The following GALNTL6 variants were observed in gnomAD, a reference collection of about 807,000 sequenced individuals.
GALNTL6 encodes the protein polypeptide N-acetylgalactosaminyltransferase-like 6.
GALNTL6 carries 46 observed loss-of-function variants against 73.7 expected under a neutral mutation model. The observed-to-expected ratio is 0.62, with a 90% CI of 0.49 to 0.80. The LOEUF (loss-of-function observed/expected upper bound fraction) is 0.80, where lower values mean the gene tolerates loss of function less well. Ranked by LOEUF, GALNTL6 falls within the 30% of genes least tolerant of loss-of-function variation. GALNTL6 has a pLI of 0.00. For missense variants in GALNTL6, 604 were observed against 755.0 expected (o/e 0.80, Z 2.34); for synonymous variants, 259 against 263.7 (o/e 0.98, Z 0.17).
Position 172,970,404 on chromosome 4 carries a change from C to G in GALNTL6, c.1371+18146C>G, listed in dbSNP as rs571862485. 7.3e-4 allele frequency among the ~76,000 whole-genome samples: 111 copies of G among 152,250 alleles called. 1 individual carries two copies. Among genetic ancestry groups the G allele is most frequent in the Admixed American group, 4.7e-3 (72 of 15,290 alleles). Reference sequence around the variant, plus strand: ...TCAGTCCTTATCTCACCACATAAGACAGACAATCCCAGAGTGGCCATTTAT... The same window carrying G: ...TCAGTCCTTATCTCACCACATAAGAGAGACAATCCCAGAGTGGCCATTTAT... On this transcript the variant is annotated intron_variant, in intron 10 of 12. Coordinates refer to ENST00000506823, the MANE Select transcript of GALNTL6 (RefSeq NM_001034845.3).
rs143108193 is a variant in GALNTL6 at position 171,935,007 on chromosome 4, T to A, written c.138+120289T>A. ...TCCTGACCCTTGAAGCATTGTCTAG[T>A]CTCCCATTCCCATGAGAAAATGCTG... is the stretch of plus-strand genomic sequence containing the variant. On this transcript the variant is annotated intron_variant, in intron 2 of 12. Coordinates refer to ENST00000506823, the MANE Select transcript of GALNTL6 (RefSeq NM_001034845.3). Among the ~76,000 whole-genome samples the A allele has an allele frequency of 4.5e-3, 679 of 152,194 alleles. 4 individuals are homozygous for A. Among genetic ancestry groups the A allele is most frequent in the African/African-American group, 0.016 (660 of 41,522 alleles).
At chr4:172,175,107 C>T (rs138521617) in intron 2 of GALNTL6, among the ~76,000 whole-genome samples, 8,705 of 149,230 alleles carry the variant, frequency 0.058, 289 homozygotes, top group South Asian at 0.11. Context: ...GACGGAGTCT[C>T]ACTCTGTCAC....
chr4:172,376,181 G>A (rs953688677), intron 5 of GALNTL6, among the ~76,000 whole-genome samples: 1 of 152,140 alleles, frequency 6.6e-6, no homozygotes, highest in African/African-American at 2.4e-5. Context: ...GTTTATACTA[G>A]AAATCATTCT....
chr4:172,436,617 G>A (rs912978866), intron 5 of GALNTL6, among the ~76,000 whole-genome samples: 1 of 152,128 alleles, frequency 6.6e-6, no homozygotes. Context: ...CCATATTCAG[G>A]TGATATTCTT....
rs188372523 is a variant in GALNTL6, at chr4:172,145,288, C to T, written c.139-84368C>T. 3.9e-3 allele frequency among the ~76,000 whole-genome samples: 599 copies of T among 152,138 alleles called. 3 individuals carry two copies. The highest frequency in any genetic ancestry group is 0.013 in the African/African-American group (554 of 41,526). ...CCAGGTAGCTGGGACTACAGGCGCC[C>T]GCCACTACGCCCAGCTAATTTTTTT... On this transcript the variant is annotated intron_variant, in intron 2 of 12. Transcript: ENST00000506823.
At chr4:171,951,201 AT>A (rs1356104299) in intron 2 of GALNTL6, among the ~76,000 whole-genome samples, 19 of 152,136 alleles carry the variant, frequency 1.2e-4, no homozygotes, top group African/African-American at 4.3e-4. Context: ...TGCTAAAAAA[AT>A]AACAGAAGAA....
intron 2 of GALNTL6, among the ~76,000 whole-genome samples, chr4:172,090,137 T>G (rs1196006116): frequency 6.6e-6 from 1 of 152,214 alleles, no homozygotes; most frequent in Non-Finnish European, 1.5e-5. Flanking sequence ...TCTTTGCTAT[T>G]GTGAACGGTG....
chr4:172,825,126 CTTT>C (rs1560977598), intron 7 of GALNTL6, among the ~76,000 whole-genome samples: 12 of 91,040 alleles, frequency 1.3e-4, no homozygotes, highest in Non-Finnish European at 2.1e-4. Flanking sequence ...TTCTTTCTTT[CTTT>C]CTTCCTTTCT....
chr4:172,088,726 C>T (rs72988343), intron 2 of GALNTL6, among the ~76,000 whole-genome samples: 5,048 of 152,132 alleles, frequency 0.033, 269 homozygotes, highest in African/African-American at 0.11. Context: ...CTCTGTTTCT[C>T]TTTAGCATAT....
intron 5 of GALNTL6, among the ~76,000 whole-genome samples, chr4:172,469,263 A>G (rs541610237): frequency 1.3e-5 from 2 of 152,292 alleles, no homozygotes; most frequent in East Asian, 3.9e-4. Context: ...TATCTTGGAA[A>G]GTCAGGCAGA....
intron 5 of GALNTL6, among the ~76,000 whole-genome samples, chr4:172,634,884 CA>C (rs1191826996): frequency 6.6e-6 from 1 of 152,000 alleles, no homozygotes; most frequent in Non-Finnish European, 1.5e-5. Flanking sequence ...GAGATATATA[CA>C]AAAGGCACTA....
At chr4:172,933,168 A>C (rs1048241705) in intron 9 of GALNTL6, among the ~76,000 whole-genome samples, 1 of 152,134 alleles carries the variant, frequency 6.6e-6, no homozygotes, top group Admixed American at 6.5e-5. Flanking sequence ...GATATAATAA[A>C]TCATAGCAGT....
intron 2 of GALNTL6, among the ~76,000 whole-genome samples, chr4:171,940,763 A>G (rs939161423): frequency 2.7e-4 from 41 of 151,860 alleles, no homozygotes; most frequent in Non-Finnish European, 1.3e-4. Flanking sequence ...GCTTGCAGTG[A>G]GCCGGGATTG....
At position 171,960,153 on chromosome 4, in the gene GALNTL6, T is replaced by G. The variant is rs534126223; in HGVS notation, c.138+145435T>G. On this transcript the variant is annotated intron_variant, in intron 2 of 12. Coordinates refer to ENST00000506823, the MANE Select transcript of GALNTL6 (RefSeq NM_001034845.3). ...TAGCTTTCTAATCTATAGCTTCTGT[T>G]TATTGAATTTGGCTACTCTTTACAG... Among the ~76,000 whole-genome samples, 8 of 152,342 alleles carry G rather than the reference T, an allele frequency of 5.3e-5. No homozygotes were observed. In the East Asian group the frequency reaches 1.5e-3, roughly 29 times the overall value.
chr4:171,816,018 A>G (rs974147545), intron 2 of GALNTL6: 1 of 152,174 alleles, frequency 6.6e-6, no homozygotes, highest in African/African-American at 2.4e-5. Flanking sequence ...TTTGAAGTAT[A>G]TTCTGTTTTG....
At chr4:172,057,546 T>TA (rs1676822248) in intron 2 of GALNTL6, among the ~76,000 whole-genome samples, 1 of 147,742 alleles carries the variant, frequency 6.8e-6, no homozygotes, top group Admixed American at 6.8e-5. Context: ...AAAATAAAAA[T>TA]AAAAAATAAA....
chr4:172,017,765 G>A (rs1161071996), intron 2 of GALNTL6, among the ~76,000 whole-genome samples: 11 of 152,064 alleles, frequency 7.2e-5, no homozygotes, highest in Non-Finnish European at 1.6e-4. Context: ...CCAGACTGCA[G>A]GATTATTGCT....
rs574401968 is a variant in GALNTL6 at position 172,245,707 on chromosome 4, G to T, written c.247+15943G>T. Among the ~76,000 whole-genome samples, 4 of 152,206 alleles carry T rather than the reference G, an allele frequency of 2.6e-5. No individual in the cohort carries two copies. In the South Asian group the frequency reaches 8.3e-4, roughly 32 times the overall value. ...CCTCCAAAATTCATATCCAAGATCT[G>T]GCACAAATTTGTCAGTGATGAGTTA... On this transcript the variant is annotated intron_variant, in intron 3 of 12. Coordinates refer to ENST00000506823, the MANE Select transcript of GALNTL6 (RefSeq NM_001034845.3).
Position 172,957,742 on chromosome 4 carries a change from C to T in GALNTL6, c.1371+5484C>T, listed in dbSNP as rs187922050. Among the ~76,000 whole-genome samples the T allele has an allele frequency of 4.0e-3, 612 of 152,166 alleles. 4 individuals carry two copies. The highest frequency in any genetic ancestry group is 0.014 in the African/African-American group (589 of 41,510). ...TATTTAGAGTCAGTATAAATATTGA[C>T]GTGTAGTCCTTTTGCAAGAGTGAGG... is the stretch of plus-strand genomic sequence containing the variant. On this transcript the variant is annotated intron_variant, in intron 10 of 12. Coordinates refer to ENST00000506823, the MANE Select transcript of GALNTL6 (RefSeq NM_001034845.3).
Sources: gnomAD v4.1 joint callset for allele counts (sites outside exome capture counted in the v4.1 genomes callset) on GRCh38, gnomAD v4.1.1 for gene constraint, MANE v1.5 for transcripts, NCBI Gene and HGNC (gene_info 2026-07-23, HGNC 2026-07-21) for gene names.